Variants in BTN1A1 observed in about 807,000 individuals in gnomAD.
BTN1A1 encodes the protein butyrophilin subfamily 1 member A1, also known as bK14H9.2 (butyrophilin, subfamily 1, member A1).
Under a neutral mutation model 33.1 loss-of-function variants are expected in BTN1A1, and 26 were observed. The ratio of observed to expected loss-of-function variants is 0.79; its 90% confidence interval spans 0.58 to 1.09. The LOEUF is 1.09. BTN1A1 is among the 50% of genes least tolerant of loss of function. The probability of loss-of-function intolerance (pLI) is 0.00; values close to 1 mark genes in which losing one functional copy is unlikely to be tolerated. For missense variants in BTN1A1, 558 were observed against 655.7 expected (o/e 0.85, Z 1.63); for synonymous variants, 235 against 256.2 (o/e 0.92, Z 0.79).
In BTN1A1 at chr6:26,509,109, C is replaced by T. The variant is rs774345172; in HGVS notation, c.1516C>T (p.Pro506Ser). ...PLSPMGEDSA[P>S]RDADTLHSKL... ...GTCCCCCATGGGGGAGGACTCTGCC[C>T]CTAGGGATGCAGACACTCTCCATTC... Residue 506 changes from proline to serine, a missense_variant, in exon 8 of 8, where the codon CCT (proline) becomes TCT (serine). By Grantham distance (74) the Pro-to-Ser change is moderately conservative. Coordinates refer to ENST00000684113, the MANE Select transcript of BTN1A1 (RefSeq NM_001732.3). The T allele has an allele frequency of 1.9e-6, 3 of 1,614,028 alleles. No individual in the cohort carries two copies. Among genetic ancestry groups the T allele is most frequent in the African/African-American group, 2.7e-5 (2 of 75,038 alleles).
chr6:26,508,580 T>G lies in BTN1A1; in HGVS notation c.987T>G (p.Asp329Glu). Residue 329 changes from aspartate to glutamate, a missense_variant, in exon 8 of 8, where the codon GAT (aspartate) becomes GAG (glutamate). Asp to Glu is a conservative substitution (Grantham distance 45, BLOSUM62 2). Coordinates refer to ENST00000684113, the MANE Select transcript of BTN1A1 (RefSeq NM_001732.3). ...ATTCAAAATCTGTTCGACTGGAAGA[T>G]TCACGTCAGAAACTGCCTGAGAAAA... ...YEDSKSVRLEDSRQKLPEKTE... is the reference protein window; with the variant it reads ...YEDSKSVRLEESRQKLPEKTE... 5.6e-6 allele frequency: 9 copies of G among 1,614,178 alleles called. No homozygotes were observed. Among genetic ancestry groups the G allele is most frequent in the Non-Finnish European group, 7.6e-6 (9 of 1,180,016 alleles).
Position 26,503,572 on chromosome 6 carries a change from C to T in BTN1A1, c.428-1353C>T, listed in dbSNP as rs183571889. Among the ~76,000 whole-genome samples the T allele has an allele frequency of 1.6e-3, 241 of 150,990 alleles. 1 individual carries two copies. The highest frequency in any genetic ancestry group is 5.5e-3 in the African/African-American group (226 of 41,276). On this transcript the variant is annotated intron_variant, in intron 3 of 7. Coordinates refer to ENST00000684113, the MANE Select transcript of BTN1A1 (RefSeq NM_001732.3). ...ATTAGATACTATACTGTGCCTTAAA[C>T]TGATCTAAAACATATAATATACAAA...
At chr6:26,506,954 C>A (rs1763878664) in intron 5 of BTN1A1, 122 bp downstream of exon 5, 2 of 1,245,800 alleles carry the variant, frequency 1.6e-6, no homozygotes, top group Admixed American at 2.0e-5. Context: ...GGCATGGTGG[C>A]TCACGCCTGT....
chr6:26,505,959 A>C (rs1490810647), intron 4 of BTN1A1, among the ~76,000 whole-genome samples: 2 of 152,004 alleles, frequency 1.3e-5, no homozygotes, highest in African/African-American at 2.4e-5. Context: ...TCTACTAAAA[A>C]TACAAAAAAA....
Position 26,501,879 on chromosome 6 carries a change from G to A in BTN1A1, c.369G>A (p.Thr123=), listed in dbSNP as rs1031222862. ...GVRVSDDGEY[T]CFFREDGSYE... ...GAGTCTCTGACGACGGGGAGTACAC[G>A]TGCTTTTTCAGGGAGGATGGAAGCT... Residue 123 remains threonine (T), a synonymous_variant, in exon 3 of 8, where the codon ACG becomes ACA. Transcript: ENST00000684113. This position sits in a 1 kb window ranked among gnomAD's most constrained non-coding sequence, Gnocchi z 5.2. 6.2e-7 allele frequency: 1 copy of A among 1,604,908 alleles called. No individual in the cohort carries two copies. The highest frequency in any genetic ancestry group is 8.5e-7 in the Non-Finnish European group (1 of 1,173,586).
rs767440941 is a variant in BTN1A1 at position 26,505,119 on chromosome 6, A to T, written c.622A>T (p.Ile208Phe). ...GLFTVAASVI[I>F]RDTSAKNVSC... ...GTTCACTGTGGCTGCTTCAGTGATC[A>T]TCAGAGACACTTCTGCGAAAAATGT... The change falls in exon 4 of 8, where the codon ATC becomes TTC. Residue 208 changes from isoleucine to phenylalanine, a missense_variant. Transcript: ENST00000684113. 6.2e-7 allele frequency: 1 copy of T among 1,614,200 alleles called. No homozygotes were observed. The highest frequency in any genetic ancestry group is 1.1e-5 in the South Asian group (1 of 91,088).
At chr6:26,502,026 AT>A in intron 3 of BTN1A1, 89 bp downstream of exon 3, 1 of 1,438,080 alleles carries the variant, frequency 7.0e-7, no homozygotes, top group Non-Finnish European at 9.1e-7. Context: ...CATCAGATTC[AT>A]TCTCAAAATC....
intron 5 of BTN1A1, among the ~76,000 whole-genome samples, chr6:26,507,169 C>T (rs1361657874): frequency 2.0e-5 from 3 of 151,736 alleles, no homozygotes; most frequent in African/African-American, 4.8e-5. Flanking sequence ...TGCAGTAAGC[C>T]GAGATCGTGC....
Position 26,505,104 on chromosome 6 carries a change from G to A in BTN1A1, c.607G>A (p.Ala203Thr), listed in dbSNP as rs769044555. The A allele has an allele frequency of 6.2e-7, 1 of 1,614,208 alleles. No individual in the cohort carries two copies. The highest frequency in any genetic ancestry group is 8.5e-7 in the Non-Finnish European group (1 of 1,180,032). Residue 203 changes from alanine to threonine, a missense_variant, in exon 4 of 8, where the codon GCT becomes ACT. Physicochemically the swap from Ala to Thr is moderately conservative, Grantham distance 58. Coordinates refer to ENST00000684113, the MANE Select transcript of BTN1A1 (RefSeq NM_001732.3). ...TGATGAAGAAGGTTTGTTCACTGTG[G>A]CTGCTTCAGTGATCATCAGAGACAC... is the stretch of plus-strand genomic sequence containing the variant. ...NPDEEGLFTV[A>T]ASVIIRDTSA... is the part of the protein sequence containing the mutation.
At position 26,501,774 on chromosome 6, in the gene BTN1A1, G is replaced by A. The variant is rs778971884; in HGVS notation, c.264G>A (p.Met88Ile). ...GGCGCGAGCAGGAAGCCGAGCAGATGCCCGAGTACCGCGGGCGGGCGACGC... is the reference window on the plus strand; with the variant it reads ...GGCGCGAGCAGGAAGCCGAGCAGATACCCGAGTACCGCGGGCGGGCGACGC... ...RDGREQEAEQ[M>I]PEYRGRATLV... Residue 88 changes from methionine (M) to isoleucine (I), a missense_variant, in exon 3 of 8, where the codon ATG becomes ATA. Physicochemically the swap from Met to Ile is conservative, Grantham distance 10. Transcript: ENST00000684113. This position sits in a 1 kb window ranked among gnomAD's most constrained non-coding sequence, Gnocchi z 5.2. 1.9e-6 allele frequency: 3 copies of A among 1,613,702 alleles called. No individual in the cohort carries two copies. Among genetic ancestry groups the A allele is most frequent in the East Asian group, 4.5e-5 (2 of 44,884 alleles).
intron 4 of BTN1A1, among the ~76,000 whole-genome samples, chr6:26,506,123 C>CAA (rs34524548): frequency 0.51 from 66,405 of 129,404 alleles, 16,415 homozygotes; most frequent in East Asian, 0.74. Context: ...GACTGCATCT[C>CAA]AAAAAAAAAA....
chr6:26,508,191 A>G lies in BTN1A1; in HGVS notation c.907+104A>G. 6 of 1,372,468 alleles carry G rather than the reference A, an allele frequency of 4.4e-6. No individual in the cohort carries two copies. The South Asian group carries it at 8.4e-5, about 19-fold the overall frequency. The allele number at this position is 1,372,468 out of a possible 1,614,324, so 85.0% of individuals were successfully genotyped here. A position where few individuals can be genotyped will look rare whatever the true frequency, so the allele number is the denominator to read the frequency against. ...AAACACTAACACTTTAGTGATGAGG[A>G]CAGGAAGGGAAACGGTGATGACAGA... On this transcript the variant is annotated intron_variant, in intron 7 of 7. Transcript: ENST00000684113.
Position 26,504,933 on chromosome 6 carries a change from T to G in BTN1A1, c.436T>G (p.Ser146Ala). Residue 146 changes from serine (S) to alanine (A), a missense_variant, in exon 4 of 8, where the codon TCT (serine) becomes GCT (alanine). Ser to Ala is a moderately conservative substitution (Grantham distance 99). Transcript: ENST00000684113. The stretch of plus-strand genomic sequence containing the variant: ...AGATTCTCTCTCCATAGCTCTGGGC[T>G]CTGACCCTCACATCAGTATGCAAGT... ...LVHLKVAALGSDPHISMQVQE... is the reference protein window; with the variant it reads ...LVHLKVAALGADPHISMQVQE... 4 of 1,614,110 alleles carry G rather than the reference T, an allele frequency of 2.5e-6. No homozygotes were observed. Among genetic ancestry groups the G allele is most frequent in the Non-Finnish European group, 3.4e-6 (4 of 1,179,956 alleles).
chr6:26,500,655 G>A (rs559072642), intron 1 of BTN1A1, among the ~76,000 whole-genome samples: 2 of 152,244 alleles, frequency 1.3e-5, no homozygotes, highest in Admixed American at 1.3e-4. Flanking sequence ...GGTGGCTCAC[G>A]CCTGTAATCC....
intron 1 of BTN1A1, among the ~76,000 whole-genome samples, 170 bp downstream of exon 1, chr6:26,500,528 C>T (rs1351461316): frequency 1.3e-5 from 2 of 152,208 alleles, no homozygotes; most frequent in Non-Finnish European, 2.9e-5. Flanking sequence ...CATCTTTTCT[C>T]TCTTCTCCAA....
In BTN1A1 at chr6:26,501,574, G is replaced by T. The variant is rs976077095; in HGVS notation, c.80-16G>T. 18 of 1,611,340 alleles carry T rather than the reference G, an allele frequency of 1.1e-5. No homozygotes were observed. The East Asian group carries it at 2.0e-4, about 18-fold the overall frequency. On this transcript the variant is annotated splice_polypyrimidine_tract_variant and intron_variant, in intron 2 of 7. Coordinates refer to ENST00000684113, the MANE Select transcript of BTN1A1 (RefSeq NM_001732.3). The surrounding 1 kb of genome is among the most constrained non-coding windows in gnomAD (Gnocchi z 5.2). ...CCATCTCCACATCCCGTCTGATCCC[G>T]CTCGTTTTTCGGCAGCTCCCTTTGA... is the stretch of plus-strand genomic sequence containing the variant.
chr6:26,501,518 C>T lies in BTN1A1; in HGVS notation c.80-72C>T. ...GAGAGCGCGGGGCACTGCGCTTTGGCGGGAATCTGGTCGGTGTCTGTCCGT... is the reference window on the plus strand; with the variant it reads ...GAGAGCGCGGGGCACTGCGCTTTGGTGGGAATCTGGTCGGTGTCTGTCCGT... On this transcript the variant is annotated intron_variant, in intron 2 of 7. Coordinates refer to ENST00000684113, the MANE Select transcript of BTN1A1 (RefSeq NM_001732.3). This position sits in a 1 kb window ranked among gnomAD's most constrained non-coding sequence, Gnocchi z 5.2. 1 of 1,593,650 alleles carries T rather than the reference C, an allele frequency of 6.3e-7. No individual in the cohort carries two copies. Among genetic ancestry groups the T allele is most frequent in the Non-Finnish European group, 8.6e-7 (1 of 1,166,408 alleles).
Position 26,501,499 on chromosome 6 carries a change from G to A in BTN1A1, c.80-91G>A. 1.3e-6 allele frequency: 2 copies of A among 1,583,746 alleles called. No homozygotes were observed. Among genetic ancestry groups the A allele is most frequent in the Non-Finnish European group, 1.7e-6 (2 of 1,157,648 alleles). ...TCAGCTGTCAAAGGAGTAAGAGAGCGCGGGGCACTGCGCTTTGGCGGGAAT... is the reference window on the plus strand; with the variant it reads ...TCAGCTGTCAAAGGAGTAAGAGAGCACGGGGCACTGCGCTTTGGCGGGAAT... On this transcript the variant is annotated intron_variant, in intron 2 of 7. Transcript: ENST00000684113. This position sits in a 1 kb window ranked among gnomAD's most constrained non-coding sequence, Gnocchi z 5.2.
Position 26,508,672 on chromosome 6 carries a change from G to C in BTN1A1, c.1079G>C (p.Trp360Ser). 1 of 1,614,166 alleles carries C rather than the reference G, an allele frequency of 6.2e-7. No individual in the cohort carries two copies. The highest frequency in any genetic ancestry group is 8.5e-7 in the Non-Finnish European group (1 of 1,180,010). ...ACCTTCACCTCAGGAAGGCATTACT[G>C]GGAGGTGGAGGTGGGAGACAGGACT... ...RETFTSGRHY[W>S]EVEVGDRTDW... Residue 360 changes from tryptophan to serine, a missense_variant, in exon 8 of 8, where the codon TGG becomes TCG. Coordinates refer to ENST00000684113, the MANE Select transcript of BTN1A1 (RefSeq NM_001732.3).
Sources: gnomAD v4.1 joint callset for allele counts (sites outside exome capture counted in the v4.1 genomes callset) on GRCh38, gnomAD v4.1.1 for gene constraint, Gnocchi (gnomAD v3.1) non-coding constraint, MANE v1.5 for transcripts, NCBI Gene and HGNC (gene_info 2026-07-23, HGNC 2026-07-21) for gene names.